The following AP3B1 variants were observed in gnomAD, a reference collection of about 807,000 sequenced individuals.
AP3B1 encodes the protein adaptor related protein complex 3 subunit beta 1.
A neutral mutation model predicts 132.5 loss-of-function variants in AP3B1; 61 were observed. That is an observed-to-expected ratio of 0.46 (90% CI 0.37 to 0.57). The LOEUF (loss-of-function observed/expected upper bound fraction) is 0.57. Among genes scored for constraint, AP3B1 ranks in the 20% least tolerant of loss-of-function variants. The pLI is 0.00. For missense variants in AP3B1, 1,120 were observed against 1,289.4 expected (o/e 0.87, Z 2.01); for synonymous variants, 388 against 438.3 (o/e 0.89, Z 1.43).
chr5:78,225,865 C>G (rs1746379549), intron 5 of AP3B1, among the ~76,000 whole-genome samples: 1 of 151,900 alleles, frequency 6.6e-6, no homozygotes, highest in Admixed American at 6.6e-5. Flanking sequence ...AACAAGTTCA[C>G]TTCTAAAAGA....
intron 8 of AP3B1, among the ~76,000 whole-genome samples, chr5:78,178,003 T>A (rs1037727904): frequency 6.6e-6 from 1 of 152,022 alleles, no homozygotes; most frequent in Non-Finnish European, 1.5e-5. Context: ...ATGAAAAGAA[T>A]ACATCCTCAG....
chr5:78,202,175 G>T (rs1029799321), intron 7 of AP3B1, among the ~76,000 whole-genome samples: 3 of 152,136 alleles, frequency 2.0e-5, no homozygotes, highest in African/African-American at 7.2e-5. Context: ...CATGTGAGAC[G>T]TGCCTTTCAC....
At chr5:78,225,089 G>A (rs1319975546) in intron 6 of AP3B1, among the ~76,000 whole-genome samples, 1 of 152,064 alleles carries the variant, frequency 6.6e-6, no homozygotes, top group Non-Finnish European at 1.5e-5. Context: ...ACTGCCTACT[G>A]TATTAGATAG....
intron 18 of AP3B1, among the ~76,000 whole-genome samples, chr5:78,114,972 C>T (rs935330361): frequency 6.6e-6 from 1 of 152,126 alleles, no homozygotes; most frequent in Non-Finnish European, 1.5e-5. Flanking sequence ...AGTTACTTTT[C>T]AGAGCTGTTG....
intron 2 of AP3B1, among the ~76,000 whole-genome samples, chr5:78,266,944 C>T (rs1048995201): frequency 6.6e-6 from 1 of 152,048 alleles, no homozygotes; most frequent in Non-Finnish European, 1.5e-5. Flanking sequence ...AATTAAGGAA[C>T]TATATTATAT....
chr5:78,168,212 CTTTT>C (rs1743740831), intron 11 of AP3B1, among the ~76,000 whole-genome samples: 1 of 144,702 alleles, frequency 6.9e-6, no homozygotes, highest in African/African-American at 2.6e-5. Context: ...TTTTAGACAA[CTTTT>C]TTCTTTTTTC....
chr5:78,245,036 C>A (rs1747318795), intron 2 of AP3B1, among the ~76,000 whole-genome samples: 1 of 151,658 alleles, frequency 6.6e-6, no homozygotes, highest in East Asian at 1.9e-4. Flanking sequence ...TGGGGACCAG[C>A]CTCAAAACCA....
At chr5:78,246,158 T>C (rs544156002) in intron 2 of AP3B1, among the ~76,000 whole-genome samples, 4 of 152,268 alleles carry the variant, frequency 2.6e-5, no homozygotes, top group Non-Finnish European at 5.9e-5. Flanking sequence ...ATTAAAAGAG[T>C]GATCATCAGT....
chr5:78,130,569 C>A (rs985248094), intron 15 of AP3B1, among the ~76,000 whole-genome samples: 1 of 152,062 alleles, frequency 6.6e-6, no homozygotes, highest in Non-Finnish European at 1.5e-5. Context: ...TTGCTATTCA[C>A]TAATTGCTAG....
Position 78,234,683 on chromosome 5 carries a change from A to G in AP3B1, c.279+6179T>C, listed in dbSNP as rs140938500. 2.8e-3 allele frequency among the ~76,000 whole-genome samples: 430 copies of G among 152,332 alleles called. 10 individuals carry two copies. In the East Asian group the frequency reaches 0.04, roughly 14 times the overall value. On this transcript the variant is annotated intron_variant, in intron 3 of 26. Coordinates refer to ENST00000255194, the MANE Select transcript of AP3B1 (RefSeq NM_003664.5). ...GAACTTGAGGCTATTTAGTACAACA[A>G]CCATTTCTTATTCATCTGTATATTG...
intron 22 of AP3B1, among the ~76,000 whole-genome samples, chr5:78,073,575 G>GT (rs1052056800): frequency 3.9e-5 from 6 of 152,004 alleles, no homozygotes; most frequent in African/African-American, 1.5e-4. Context: ...ACTATGAACT[G>GT]TTTTTTAAAA....
intron 2 of AP3B1, among the ~76,000 whole-genome samples, chr5:78,245,068 G>A (rs909899102): frequency 5.3e-5 from 8 of 152,064 alleles, no homozygotes; most frequent in African/African-American, 9.7e-5. Context: ...CCCAAAGTCC[G>A]GTGGCAACAA....
intron 22 of AP3B1, among the ~76,000 whole-genome samples, chr5:78,087,062 C>T (rs1046508583): frequency 3.3e-5 from 5 of 152,194 alleles, no homozygotes; most frequent in South Asian, 2.1e-4. Flanking sequence ...CATTTAACTA[C>T]TTCTAGTGTA....
At chr5:78,138,969 C>CAAAAAA (rs34427836) in intron 15 of AP3B1, among the ~76,000 whole-genome samples, 2 of 39,460 alleles carry the variant, frequency 5.1e-5, no homozygotes, top group African/African-American at 1.0e-4. Context: ...AACTCTGTCT[C>CAAAAAA]AAAAAAAAAA....
At chr5:78,220,789 C>T (rs1256961887) in intron 6 of AP3B1, among the ~76,000 whole-genome samples, 2 of 152,120 alleles carry the variant, frequency 1.3e-5, no homozygotes, top group Admixed American at 1.3e-4. Context: ...GTGGCTCACG[C>T]CTGTAATCCC....
At chr5:78,265,423 A>G (rs1243815106) in intron 2 of AP3B1, among the ~76,000 whole-genome samples, 1 of 152,184 alleles carries the variant, frequency 6.6e-6, no homozygotes, top group Non-Finnish European at 1.5e-5. Flanking sequence ...AGCCTGGACA[A>G]CAGAGCAAGA....
intron 11 of AP3B1, among the ~76,000 whole-genome samples, chr5:78,174,425 T>C (rs898146174): frequency 2.0e-5 from 3 of 152,242 alleles, no homozygotes; most frequent in African/African-American, 7.2e-5. Flanking sequence ...TTGTTAGTTT[T>C]CCTTGTAACA....
chr5:78,161,779 C>A (rs1174256306), intron 13 of AP3B1, among the ~76,000 whole-genome samples: 1 of 151,858 alleles, frequency 6.6e-6, no homozygotes. Flanking sequence ...TTTATGCTCA[C>A]AACAAAAATC....
chr5:78,115,918 CA>C (rs1418597908), intron 18 of AP3B1: 3 of 582,920 alleles, frequency 5.1e-6, no homozygotes, highest in Admixed American at 2.3e-5. Context: ...AGCTACTATC[CA>C]AGAGATATTG....
Sources: allele counts gnomAD v4.1 joint callset (sites outside exome capture counted in the v4.1 genomes callset), GRCh38; gene constraint gnomAD v4.1.1; transcripts MANE v1.5; gene names NCBI Gene and HGNC (gene_info 2026-07-23, HGNC 2026-07-21).